Variants in DACH1 observed in about 807,000 individuals in gnomAD.
The protein encoded by DACH1 is dachshund homolog 1.
A neutral mutation model predicts 54.2 loss-of-function variants in DACH1; 12 were observed. The observed-to-expected ratio is 0.22, with a 90% CI of 0.14 to 0.36. DACH1 has a LOEUF of 0.36. Among genes scored for constraint, DACH1 ranks in the 10% least tolerant of loss-of-function variants. The pLI is 1.00. For missense variants in DACH1, 805 were observed against 929.8 expected (o/e 0.87, Z 1.75); for synonymous variants, 386 against 366.2 (o/e 1.05, Z -0.62).
At chr13:71,757,803 G>A (rs1885232708) in intron 1 of DACH1, among the ~76,000 whole-genome samples, 1 of 152,092 alleles carries the variant, frequency 6.6e-6, no homozygotes, top group African/African-American at 2.4e-5. Flanking sequence ...GATTACAGGT[G>A]TGAGCCACCA....
Position 71,717,504 on chromosome 13 carries a change from TCACACACACACA to T in DACH1, c.849-35606_849-35595del, listed in dbSNP as rs3221998. Among the ~76,000 whole-genome samples the T allele has an allele frequency of 7.7e-5, 11 of 142,886 alleles. No individual in the cohort carries two copies. The South Asian group carries it at 9.3e-4, about 12-fold the overall frequency. The allele number at this position is 142,886 out of a possible 152,430, so 93.7% of individuals were successfully genotyped here. A position where few individuals can be genotyped will look rare whatever the true frequency, so the allele number is the denominator to read the frequency against. On this transcript the variant is annotated intron_variant, in intron 1 of 10. Transcript: ENST00000613252. ...ACACTGCAAGGACCTGTGTGTGTAA[TCACACACACACA>T]CACACACACACACACACACACACAC...
At chr13:71,516,865 G>A (rs1439280110) in intron 6 of DACH1, among the ~76,000 whole-genome samples, 1 of 151,042 alleles carries the variant, frequency 6.6e-6, no homozygotes, top group Admixed American at 6.6e-5. Context: ...ATTAACCAAG[G>A]AAAGTTAAAA....
chr13:71,453,964 A>G (rs1875311994), intron 10 of DACH1, among the ~76,000 whole-genome samples: 1 of 152,204 alleles, frequency 6.6e-6, no homozygotes, highest in African/African-American at 2.4e-5. Flanking sequence ...CCTATACAAG[A>G]ACTTTTAAGT....
At chr13:71,573,454 G>C in intron 3 of DACH1, 2 of 716,854 alleles carry the variant, frequency 2.8e-6, no homozygotes, top group Admixed American at 2.0e-5. Context: ...AGATGGTTGA[G>C]AGGATGACTA....
chr13:71,683,573 C>A (rs17088394), intron 1 of DACH1, among the ~76,000 whole-genome samples: 28,813 of 151,962 alleles, frequency 0.19, 6,629 homozygotes, highest in African/African-American at 0.54. Context: ...TGTTGGAAAA[C>A]GAGCAAGACT....
At chr13:71,764,405 T>G (rs1452746503) in intron 1 of DACH1, among the ~76,000 whole-genome samples, 1 of 152,028 alleles carries the variant, frequency 6.6e-6, no homozygotes, top group Non-Finnish European at 1.5e-5. Flanking sequence ...GAGCCCATAT[T>G]AAAAAATTTA....
chr13:71,722,370 G>C (rs1056457345), intron 1 of DACH1, among the ~76,000 whole-genome samples: 1 of 152,024 alleles, frequency 6.6e-6, no homozygotes, highest in Admixed American at 6.6e-5. Flanking sequence ...TAATGACTAC[G>C]AGGTGGAATA....
At chr13:71,824,310 A>C (rs1888301156) in intron 1 of DACH1, among the ~76,000 whole-genome samples, 1 of 151,948 alleles carries the variant, frequency 6.6e-6, no homozygotes, top group Non-Finnish European at 1.5e-5. Context: ...GTACTCAGAA[A>C]ATGAAAAAAA....
rs869289138 is a variant in DACH1 at position 71,693,296 on chromosome 13, C to CTTTTTT, written c.849-11392_849-11387dup. On this transcript the variant is annotated intron_variant, in intron 1 of 10. Coordinates refer to ENST00000613252, the MANE Select transcript of DACH1 (RefSeq NM_080759.6). ...AATACCCTCTTATCCATTTGTTTTG[C>CTTTTTT]TTTTTTTTTTTTTTTTTTTTTTTGA... 5.7e-4 allele frequency among the ~76,000 whole-genome samples: 52 copies of CTTTTTT among 90,944 alleles called. 2 individuals carry two copies. Among genetic ancestry groups the CTTTTTT allele is most frequent in the African/African-American group, 1.8e-3 (34 of 19,408 alleles). The allele number at this position is 90,944 out of a possible 152,430, so 59.7% of individuals were successfully genotyped here.
intron 2 of DACH1, among the ~76,000 whole-genome samples, chr13:71,662,097 A>G (rs1594064796): frequency 6.6e-6 from 1 of 152,076 alleles, no homozygotes; most frequent in East Asian, 1.9e-4. Context: ...AATACTGTTG[A>G]TATCGTCTAA....
intron 3 of DACH1, among the ~76,000 whole-genome samples, chr13:71,604,141 A>T (rs182759281): frequency 3.3e-5 from 5 of 152,110 alleles, no homozygotes; most frequent in African/African-American, 1.2e-4. Flanking sequence ...ATAAAATGCA[A>T]TATAAAAATC....
In DACH1 at chr13:71,559,828, T is replaced by G. The variant is rs552248366; in HGVS notation, c.1427A>C (p.Asp476Ala). The change falls in exon 5 of 11, where the codon GAC becomes GCC. Residue 476 changes from aspartate (D) to alanine (A), a missense_variant. Transcript: ENST00000613252. ...SSPARTESSS[D>A]RIPVHQNGLS... The stretch of plus-strand genomic sequence containing the variant: ...AGAAGTATGAGACCTACGGATTCTG[T>G]CAGAAGAGCTCTCAGTCCGAGCAGG... The G allele has an allele frequency of 6.2e-7, 1 of 1,613,780 alleles. No homozygotes were observed. Among genetic ancestry groups the G allele is most frequent in the East Asian group, 2.2e-5 (1 of 44,798 alleles).
chr13:71,708,957 A>G (rs980721734), intron 1 of DACH1, among the ~76,000 whole-genome samples: 2 of 143,656 alleles, frequency 1.4e-5, no homozygotes, highest in African/African-American at 5.1e-5. Context: ...GGTTCACGCC[A>G]TTCTCCTGCC....
At chr13:71,762,011 C>CTATG (rs1885418108) in intron 1 of DACH1, among the ~76,000 whole-genome samples, 1 of 152,006 alleles carries the variant, frequency 6.6e-6, no homozygotes, top group Non-Finnish European at 1.5e-5. Context: ...TGAGTGCCTG[C>CTATG]TATGTATACT....
intron 1 of DACH1, among the ~76,000 whole-genome samples, chr13:71,862,713 G>A (rs1024455935): frequency 1.3e-5 from 2 of 152,042 alleles, no homozygotes; most frequent in Non-Finnish European, 2.9e-5. Context: ...ACCACTCGAA[G>A]GTTTGCTACT....
At chr13:71,805,385 T>C (rs1039361188) in intron 1 of DACH1, among the ~76,000 whole-genome samples, 1 of 152,200 alleles carries the variant, frequency 6.6e-6, no homozygotes, top group African/African-American at 2.4e-5. Context: ...TCCCATTATG[T>C]TTAAAAATGA....
chr13:71,666,788 C>G (rs1879867005), intron 2 of DACH1, among the ~76,000 whole-genome samples: 1 of 152,102 alleles, frequency 6.6e-6, no homozygotes, highest in South Asian at 2.1e-4. Flanking sequence ...CGAGACCACC[C>G]TGGCCAACAT....
intron 3 of DACH1, among the ~76,000 whole-genome samples, chr13:71,600,014 CA>C (rs58138458): frequency 1.5e-3 from 223 of 151,716 alleles, no homozygotes; most frequent in African/African-American, 4.8e-3. Context: ...GGAATAGGGC[CA>C]AAAAAATCAT....
chr13:71,866,850 AG>A lies in DACH1; in HGVS notation c.-82del, dbSNP rs954581347. The A allele has an allele frequency of 5.6e-6, 6 of 1,078,808 alleles. No individual in the cohort carries two copies. Among genetic ancestry groups the A allele is most frequent in the East Asian group, 5.1e-5 (1 of 19,686 alleles). 66.8% of individuals were successfully genotyped at this position (1,078,808 alleles called of 1,614,324 possible). A position where few individuals can be genotyped will look rare whatever the true frequency, so the allele number is the denominator to read the frequency against. ...ACCCCCGGGAGGGGAAGGGGAAAAA[AG>A]GGGGGAGAAGGAGCGAGGGGGGCAA... is the stretch of plus-strand genomic sequence containing the variant. On this transcript the variant is annotated 5_prime_UTR_variant, in exon 1 of 11. Transcript: ENST00000613252.
Sources: gnomAD v4.1 joint callset for allele counts (sites outside exome capture counted in the v4.1 genomes callset) on GRCh38, gnomAD v4.1.1 for gene constraint, MANE v1.5 for transcripts, NCBI Gene and HGNC (gene_info 2026-07-23, HGNC 2026-07-21) for gene names.